PRTG: variants seen among roughly 807,000 people sequenced by gnomAD.
The protein encoded by PRTG is protogenin.
PRTG carries 67 observed loss-of-function variants against 122.5 expected under a neutral mutation model. The observed-to-expected ratio is 0.55, with a 90% CI of 0.45 to 0.67. PRTG has a LOEUF of 0.67. Among genes scored for constraint, PRTG ranks in the 30% least tolerant of loss-of-function variants. PRTG has a pLI of 0.00. For synonymous variants in PRTG, 554 were observed against 501.1 expected, an observed-to-expected ratio of 1.11 and a Z score of -1.41; for missense variants, 1,435 against 1,415.4, an observed-to-expected ratio of 1.01 and a Z score of -0.22.
intron 2 of PRTG, among the ~76,000 whole-genome samples, chr15:55,712,786 C>A (rs2030441680): frequency 6.6e-6 from 1 of 152,000 alleles, no homozygotes; most frequent in South Asian, 2.1e-4. Context: ...AGTAAAAAGC[C>A]AGTTAAGATA....
rs1275670944 is a variant in PRTG, at chr15:55,629,373, ATATGTGTGTGTGTGTGTGTGTG to A, written c.2624-391_2624-370del. Among the ~76,000 whole-genome samples the A allele has an allele frequency of 3.0e-3, 165 of 54,364 alleles. 5 individuals are homozygous for A. In the East Asian group the frequency reaches 0.14, roughly 46 times the overall value. 35.7% of individuals were successfully genotyped at this position (54,364 alleles called of 152,430 possible). ...TGTTTGGCTTTGTATATATATATAT[ATATGTGTGTGTGTGTGTGTGTG>A]TGTGTGTGTGTGTGTGTGTGTGTGT... On this transcript the variant is annotated intron_variant, in intron 15 of 19. Transcript: ENST00000389286.
At position 55,740,548 on chromosome 15, in the gene PRTG, T is replaced by C; in HGVS notation, c.231A>G (p.Ala77=). ...CGATCCGTTTATTTTCAGACATTTT[T>C]GCTCCATTTTTCAACCATGTGACCT... ...PIKVTWLKNG[A]KMSENKRIEV... Residue 77 remains alanine (A), a synonymous_variant, in exon 2 of 20, where the codon GCA becomes GCG. Coordinates refer to ENST00000389286, the MANE Select transcript of PRTG (RefSeq NM_173814.6). The C allele has an allele frequency of 6.2e-7, 1 of 1,614,232 alleles. No individual in the cohort carries two copies. The highest frequency in any genetic ancestry group is 2.2e-5 in the East Asian group (1 of 44,884).
At chr15:55,689,572 G>A (rs1489167708) in intron 2 of PRTG, among the ~76,000 whole-genome samples, 1 of 151,170 alleles carries the variant, frequency 6.6e-6, no homozygotes, top group Admixed American at 6.6e-5. Context: ...ACCAACATAG[G>A]CACATGTATA....
rs149006003 is a variant in PRTG at position 55,624,053 on chromosome 15, C to A, written c.3093+289G>T. On this transcript the variant is annotated intron_variant, in intron 18 of 19. Coordinates refer to ENST00000389286, the MANE Select transcript of PRTG (RefSeq NM_173814.6). ...ACCATGGTGTCCTTGGTTAAAACAA[C>A]TTCACTCCATATAATCTCATCTAAC... is the stretch of plus-strand genomic sequence containing the variant. 2.5e-3 allele frequency among the ~76,000 whole-genome samples: 376 copies of A among 152,190 alleles called. 6 individuals carry two copies. The highest frequency in any genetic ancestry group is 0.016 in the Admixed American group (248 of 15,266).
At position 55,718,197 on chromosome 15, in the gene PRTG, C is replaced by T. The variant is rs540553656; in HGVS notation, c.397+22185G>A. On this transcript the variant is annotated intron_variant, in intron 2 of 19. Coordinates refer to ENST00000389286, the MANE Select transcript of PRTG (RefSeq NM_173814.6). ...ATGCCACTTGACCCCAATAGAAACTCGACAGTGGTTCCAAATAGCCAGAAA... is the reference window on the plus strand; with the variant it reads ...ATGCCACTTGACCCCAATAGAAACTTGACAGTGGTTCCAAATAGCCAGAAA... Among the ~76,000 whole-genome samples, 19 of 152,258 alleles carry T rather than the reference C, an allele frequency of 1.2e-4. 1 individual carries two copies. In the South Asian group the frequency reaches 3.5e-3, roughly 28 times the overall value.
intron 2 of PRTG, among the ~76,000 whole-genome samples, chr15:55,696,032 T>C (rs1285992494): frequency 6.6e-6 from 1 of 152,064 alleles, no homozygotes; most frequent in Non-Finnish European, 1.5e-5. Flanking sequence ...CCCTATGCTT[T>C]TGGGGGCCAA....
chr15:55,709,348 TTATATATAAAA>T (rs1294245829), intron 2 of PRTG, among the ~76,000 whole-genome samples: 25 of 146,802 alleles, frequency 1.7e-4, no homozygotes, highest in African/African-American at 5.2e-4. Flanking sequence ...TATATATATA[TTATATATAAAA>T]TATATATAAA....
chr15:55,688,161 G>A (rs2059580778), intron 2 of PRTG, among the ~76,000 whole-genome samples: 1 of 152,204 alleles, frequency 6.6e-6, no homozygotes, highest in African/African-American at 2.4e-5. Flanking sequence ...CTTCTCTTAA[G>A]AGTATTACTG....
In PRTG at chr15:55,628,937, T is replaced by G; in HGVS notation, c.2691A>C (p.Ala897=). 1.2e-6 allele frequency: 2 copies of G among 1,614,068 alleles called. No homozygotes were observed. The highest frequency in any genetic ancestry group is 1.7e-6 in the Non-Finnish European group (2 of 1,179,930). The change falls in exon 16 of 20, where the codon GCA becomes GCC. Residue 897 remains alanine, a synonymous_variant. Transcript: ENST00000389286. ...AGNVYIVKIS[A]SNEVGEGPFS... ...AGGGTCCTTCTCCCACCTCATTGGA[T>G]GCAGATATCTTGACAATGTACACAT...
chr15:55,742,902 C>T lies in PRTG; in HGVS notation c.30G>A (p.Arg10=), dbSNP rs1267161657. 9.2e-6 allele frequency: 14 copies of T among 1,529,700 alleles called. No homozygotes were observed. In the Admixed American group the frequency reaches 2.6e-4, roughly 28 times the overall value. The allele number at this position is 1,529,700 out of a possible 1,614,324, so 94.8% of individuals were successfully genotyped here. A position where few individuals can be genotyped will look rare whatever the true frequency, so the allele number is the denominator to read the frequency against. The part of the protein sequence containing the change: MAPPLRPLA[R]LRPPGMLLRA... ...GGAGCAGCATCCCCGGCGGTCGCAG[C>T]CGGGCGAGGGGTCGCAGAGGAGGCG... is the stretch of plus-strand genomic sequence containing the variant. The change falls in exon 1 of 20, where the codon CGG becomes CGA. Residue 10 remains arginine, a synonymous_variant. Coordinates refer to ENST00000389286, the MANE Select transcript of PRTG (RefSeq NM_173814.6).
chr15:55,696,843 C>A (rs2059634626), intron 2 of PRTG, among the ~76,000 whole-genome samples: 1 of 152,060 alleles, frequency 6.6e-6, no homozygotes, highest in Admixed American at 6.5e-5. Context: ...ATACATTTTG[C>A]TTTTGAAAGA....
chr15:55,613,176 C>T lies in PRTG; in HGVS notation c.*6836G>A, dbSNP rs1018822131. ...ATTCTCAAAATTGTCAAGATTAGAA[C>T]TTAGGTGCTCCAAAGCCTAACTTAT... is the stretch of plus-strand genomic sequence containing the variant. On this transcript the variant is annotated 3_prime_UTR_variant, in exon 20 of 20. Coordinates refer to ENST00000389286, the MANE Select transcript of PRTG (RefSeq NM_173814.6). The T allele has an allele frequency of 1.3e-5, 2 of 152,040 alleles. No individual in the cohort carries two copies. The highest frequency in any genetic ancestry group is 1.3e-4 in the Admixed American group (2 of 15,262). 9.4% of individuals were successfully genotyped at this position (152,040 alleles called of 1,614,324 possible).
At chr15:55,643,502 T>G (rs959871577) in intron 11 of PRTG, among the ~76,000 whole-genome samples, 1 of 152,062 alleles carries the variant, frequency 6.6e-6, no homozygotes. Context: ...GATGCAGTTA[T>G]AGCTCACTGC....
chr15:55,690,589 T>C (rs1239092612), intron 2 of PRTG, among the ~76,000 whole-genome samples: 5 of 152,268 alleles, frequency 3.3e-5, no homozygotes, highest in East Asian at 1.9e-4. Flanking sequence ...AAATACTCAT[T>C]GGAACATTTC....
At chr15:55,636,919 T>C (rs2059260712) in intron 15 of PRTG, among the ~76,000 whole-genome samples, 1 of 152,204 alleles carries the variant, frequency 6.6e-6, no homozygotes, top group Admixed American at 6.5e-5. Flanking sequence ...AGTGCTGAGA[T>C]TACAGGCGTG....
At chr15:55,738,417 G>A in intron 2 of PRTG, 1 of 693,666 alleles carries the variant, frequency 1.4e-6, no homozygotes, top group Non-Finnish European at 2.6e-6. Flanking sequence ...TTCTCAGGAG[G>A]TCCTGGAAAC....
At chr15:55,697,623 C>T (rs1220450939) in intron 2 of PRTG, among the ~76,000 whole-genome samples, 1 of 152,130 alleles carries the variant, frequency 6.6e-6, no homozygotes, top group Non-Finnish European at 1.5e-5. Context: ...TCCCAAGTAG[C>T]TGGGATTACA....
rs1217196563 is a variant in PRTG at position 55,619,628 on chromosome 15, C to T, written c.*384G>A. ...AGTCAGCAAAGGGGCTTTCAAAAGT[C>T]TTCCCTTTGCTCCAGTGATATATTT... On this transcript the variant is annotated 3_prime_UTR_variant, in exon 20 of 20. Coordinates refer to ENST00000389286, the MANE Select transcript of PRTG (RefSeq NM_173814.6). The T allele has an allele frequency of 1.1e-5, 2 of 179,062 alleles. No individual in the cohort carries two copies. The highest frequency in any genetic ancestry group is 1.1e-4 in the Admixed American group (2 of 18,106). The allele number at this position is 179,062 out of a possible 1,614,324, so 11.1% of individuals were successfully genotyped here.
intron 2 of PRTG, among the ~76,000 whole-genome samples, chr15:55,725,838 C>T (rs1278403084): frequency 3.3e-5 from 5 of 152,210 alleles, no homozygotes; most frequent in African/African-American, 9.6e-5. Flanking sequence ...GTGGTGCCAT[C>T]GCAGCTCACT....
Sources: allele counts gnomAD v4.1 joint callset (sites outside exome capture counted in the v4.1 genomes callset), GRCh38; gene constraint gnomAD v4.1.1; transcripts MANE v1.5; gene names NCBI Gene and HGNC (gene_info 2026-07-23, HGNC 2026-07-21).